Variants in ABHD6 observed in about 807,000 individuals in gnomAD.
The protein encoded by ABHD6 is monoacylglycerol lipase ABHD6.
In ABHD6, 33 loss-of-function variants were observed where a neutral mutation model predicts 38.8. The ratio of observed to expected loss-of-function variants is 0.85; its 90% CI spans 0.64 to 1.14. The LOEUF (loss-of-function observed/expected upper bound fraction) is 1.14. ABHD6 is among the 50% of genes most tolerant of loss of function. The pLI, the probability that ABHD6 is intolerant of heterozygous loss-of-function variation, is 0.00. For synonymous variants in ABHD6, 147 were observed against 161.6 expected (o/e 0.91, Z 0.69); for missense variants, 380 against 422.6 (o/e 0.90, Z 0.88).
At chr3:58,246,784 T>A (rs866398462) in intron 1 of ABHD6, among the ~76,000 whole-genome samples, 2 of 152,280 alleles carry the variant, frequency 1.3e-5, no homozygotes, top group South Asian at 2.1e-4. Context: ...ATTTGAAAAA[T>A]TTAAATTCCT....
chr3:58,272,572 G>A (rs934667828), intron 6 of ABHD6, among the ~76,000 whole-genome samples: 1 of 152,106 alleles, frequency 6.6e-6, no homozygotes, highest in African/African-American at 2.4e-5. Context: ...TTTTCAAGTA[G>A]CATATCTGAA....
rs911429730 is a variant in ABHD6, at chr3:58,257,521, C to T, written c.119+816C>T. 4.6e-5 allele frequency among the ~76,000 whole-genome samples: 7 copies of T among 152,036 alleles called. No individual in the cohort carries two copies. The highest frequency in any genetic ancestry group is 4.6e-4 in the Admixed American group (7 of 15,248). The stretch of plus-strand genomic sequence containing the variant: ...AGGACTACAGGCACGTGCCACCATG[C>T]CTAGCTAATTTTTATATTTTTAGTA... On this transcript the variant is annotated intron_variant, in intron 3 of 9. Transcript: ENST00000478253. The surrounding 1 kb of genome is among the most constrained non-coding windows in gnomAD (Gnocchi z 4.8).
chr3:58,246,593 G>A (rs767873394), intron 1 of ABHD6, among the ~76,000 whole-genome samples: 6 of 152,190 alleles, frequency 3.9e-5, no homozygotes, highest in Non-Finnish European at 7.4e-5. Flanking sequence ...GGAGGGGACT[G>A]TGGGCTGGGC....
chr3:58,261,028 A>G (rs2097436591), intron 3 of ABHD6, among the ~76,000 whole-genome samples: 1 of 152,204 alleles, frequency 6.6e-6, no homozygotes, highest in African/African-American at 2.4e-5. Context: ...ACAGAGAGCC[A>G]CACCGGGGAT....
intron 7 of ABHD6, among the ~76,000 whole-genome samples, chr3:58,276,939 T>C (rs2097449163): frequency 1.3e-5 from 2 of 152,334 alleles, no homozygotes; most frequent in South Asian, 4.1e-4. Flanking sequence ...TGTGGTGTTA[T>C]TTCTGAGGCC....
chr3:58,248,436 G>A (rs1307370043), intron 1 of ABHD6, among the ~76,000 whole-genome samples: 5 of 152,152 alleles, frequency 3.3e-5, no homozygotes, highest in African/African-American at 2.4e-5. Context: ...GGTGGCTCAC[G>A]CCTGTAATCC....
intron 7 of ABHD6, among the ~76,000 whole-genome samples, chr3:58,277,749 T>C (rs1427265282): frequency 6.6e-6 from 1 of 152,204 alleles, no homozygotes. Flanking sequence ...TGTGGGTTTG[T>C]CATAAATAGC....
At chr3:58,245,028 A>G (rs940206711) in intron 1 of ABHD6, among the ~76,000 whole-genome samples, 5 of 152,208 alleles carry the variant, frequency 3.3e-5, no homozygotes, top group Non-Finnish European at 7.3e-5. Flanking sequence ...AGGACCCTGA[A>G]TGCTAGACTT....
chr3:58,258,679 C>T (rs745788556), intron 3 of ABHD6: 17 of 177,276 alleles, frequency 9.6e-5, no homozygotes, highest in Non-Finnish European at 1.7e-4. Flanking sequence ...CACTTCTGTA[C>T]GTAGAAGAGT....
chr3:58,287,112 A>G lies in ABHD6; in HGVS notation c.837+1659A>G, dbSNP rs892747612. The stretch of plus-strand genomic sequence containing the variant: ...GGCAGCATAGTGAGATCCCATCTCT[A>G]TAAAAAATAAATTTTTAAAAAAGTA... On this transcript the variant is annotated intron_variant, in intron 9 of 9. Transcript: ENST00000478253. This position sits in a 1 kb window ranked among gnomAD's most constrained non-coding sequence, Gnocchi z 4.7. Among the ~76,000 whole-genome samples, 1 of 151,526 alleles carries G rather than the reference A, an allele frequency of 6.6e-6. No individual in the cohort carries two copies. The highest frequency in any genetic ancestry group is 2.0e-4 in the East Asian group (1 of 5,086).
rs1053460453 is a variant in ABHD6, at chr3:58,293,859, C to T, written c.*94C>T. 5.2e-5 allele frequency: 74 copies of T among 1,429,968 alleles called. No homozygotes were observed. Among genetic ancestry groups the T allele is most frequent in the Non-Finnish European group, 6.5e-5 (69 of 1,057,504 alleles). 88.6% of individuals were successfully genotyped at this position (1,429,968 alleles called of 1,614,324 possible). A position where few individuals can be genotyped will look rare whatever the true frequency, so the allele number is the denominator to read the frequency against. On this transcript the variant is annotated 3_prime_UTR_variant, in exon 10 of 10. Coordinates refer to ENST00000478253, the MANE Select transcript of ABHD6 (RefSeq NM_001320126.2). This position sits in a 1 kb window ranked among gnomAD's most constrained non-coding sequence, Gnocchi z 4.4. ...ACTCTCAGGGATCCTGCCCCAAATGCGGTCGGAGCGCCAGTGACCCTGAGG... is the reference window on the plus strand; with the variant it reads ...ACTCTCAGGGATCCTGCCCCAAATGTGGTCGGAGCGCCAGTGACCCTGAGG...
chr3:58,271,766 GTTTTTTTTT>G (rs3038091), intron 6 of ABHD6, among the ~76,000 whole-genome samples: 13 of 63,632 alleles, frequency 2.0e-4, no homozygotes, highest in Admixed American at 7.3e-4. Context: ...CCCTCTCTCT[GTTTTTTTTT>G]TTTTTTTTTT....
At chr3:58,276,782 A>G (rs2097449038) in intron 7 of ABHD6, among the ~76,000 whole-genome samples, 1 of 152,070 alleles carries the variant, frequency 6.6e-6, no homozygotes, top group South Asian at 2.1e-4. Flanking sequence ...ATCTTGAATT[A>G]ATTTTTGTAT....
In ABHD6 at chr3:58,285,865, T is replaced by C. The variant is rs898067952; in HGVS notation, c.837+412T>C. 5.3e-5 allele frequency among the ~76,000 whole-genome samples: 8 copies of C among 152,106 alleles called. No homozygotes were observed. Among genetic ancestry groups the C allele is most frequent in the Non-Finnish European group, 1.0e-4 (7 of 68,012 alleles). ...TTTCTTTTTTTCGTTTGAGACGGAGTCTTGCTCTGTCACCCAGGCTGGAGT... is the reference window on the plus strand; with the variant it reads ...TTTCTTTTTTTCGTTTGAGACGGAGCCTTGCTCTGTCACCCAGGCTGGAGT... On this transcript the variant is annotated intron_variant, in intron 9 of 9. Transcript: ENST00000478253. This position sits in a 1 kb window ranked among gnomAD's most constrained non-coding sequence, Gnocchi z 4.9.
intron 7 of ABHD6, 46 bp downstream of exon 7, chr3:58,274,861 G>A (rs758040703): frequency 1.9e-5 from 30 of 1,588,372 alleles, no homozygotes; most frequent in African/African-American, 1.5e-4. Flanking sequence ...CCAGAGGCCC[G>A]GGGGCGAGTA....
At chr3:58,281,635 G>A (rs2097453346) in intron 7 of ABHD6, among the ~76,000 whole-genome samples, 1 of 152,230 alleles carries the variant, frequency 6.6e-6, no homozygotes, top group African/African-American at 2.4e-5. Context: ...GATGAACCAG[G>A]TACGTTAATT....
chr3:58,272,146 A>G (rs927613824), intron 6 of ABHD6, among the ~76,000 whole-genome samples: 2 of 152,134 alleles, frequency 1.3e-5, no homozygotes, highest in African/African-American at 4.8e-5. Flanking sequence ...TATCATTTAC[A>G]CATAGTAAAT....
chr3:58,270,870 T>C (rs2107455570), intron 5 of ABHD6, 62 bp from the exon 6 acceptor site: 2 of 1,524,558 alleles, frequency 1.3e-6, no homozygotes, highest in African/African-American at 1.4e-5. Flanking sequence ...TTCTATGCTG[T>C]AGTCACCATT....
At chr3:58,240,043 T>G (rs2097421704) in intron 1 of ABHD6, among the ~76,000 whole-genome samples, 1 of 151,244 alleles carries the variant, frequency 6.6e-6, no homozygotes, top group Admixed American at 6.6e-5. Context: ...TCCCGGCTAC[T>G]TGGGAGGCTG....
Sources: allele counts gnomAD v4.1 joint callset (sites outside exome capture counted in the v4.1 genomes callset), GRCh38; gene constraint gnomAD v4.1.1; non-coding constraint Gnocchi (gnomAD v3.1); transcripts MANE v1.5; gene names NCBI Gene and HGNC (gene_info 2026-07-23, HGNC 2026-07-21).